The following EML4 variants were observed in gnomAD, a reference collection of about 807,000 sequenced individuals.
EML4 encodes the protein echinoderm microtubule-associated protein-like 4.
In EML4, 72 loss-of-function variants were observed where a neutral mutation model predicts 129.0. The ratio of observed to expected loss-of-function variants is 0.56; its 90% CI spans 0.46 to 0.68. EML4 has a LOEUF of 0.68. Among genes scored for constraint, EML4 ranks in the 30% least tolerant of loss-of-function variants. The probability of loss-of-function intolerance (pLI) is 0.00; values close to 1 mark genes in which losing one functional copy is unlikely to be tolerated. For missense variants in EML4, 1,363 were observed against 1,190.6 expected (o/e 1.14, Z -2.13); for synonymous variants, 532 against 405.0 (o/e 1.31, Z -3.77).
intron 1 of EML4, among the ~76,000 whole-genome samples, chr2:42,233,817 G>A (rs1674497964): frequency 6.6e-6 from 1 of 152,156 alleles, no homozygotes; most frequent in South Asian, 2.1e-4. Flanking sequence ...GGATTTCATT[G>A]TATTTTAAAT....
At chr2:42,327,210 G>A (rs1669857240) in intron 21 of EML4, among the ~76,000 whole-genome samples, 1 of 152,170 alleles carries the variant, frequency 6.6e-6, no homozygotes, top group Admixed American at 6.5e-5. Flanking sequence ...ATATCCCATT[G>A]TATGGATAGA....
At chr2:42,244,081 GTTTTTTGTTTTTGTTTTTTGTTTTTT>G (rs1558534108) in intron 1 of EML4, among the ~76,000 whole-genome samples, 3 of 139,774 alleles carry the variant, frequency 2.1e-5, no homozygotes, top group Non-Finnish European at 1.5e-5. Flanking sequence ...TTTGTTTTTT[GTTTTTTGTTTTTGTTTTTTGTTTTTT>G]TTTTTTTTTT....
In EML4 at chr2:42,261,210, C is replaced by A. The variant is rs759599372; in HGVS notation, c.428C>A (p.Ala143Glu). The A allele has an allele frequency of 6.2e-7, 1 of 1,613,824 alleles. No homozygotes were observed. ...HSNDQSPQIR[A>E]SPSPQPSSQP... ...AATGATCAAAGTCCACAAATTCGAG[C>A]ATCACCTTCTCCCCAGCCCTCTTCA... The change falls in exon 4 of 23, where the codon GCA becomes GAA. Residue 143 changes from alanine to glutamate, a missense_variant. Coordinates refer to ENST00000318522, the MANE Select transcript of EML4 (RefSeq NM_019063.5).
At chr2:42,182,760 A>C (rs1671021349) in intron 1 of EML4, among the ~76,000 whole-genome samples, 1 of 152,158 alleles carries the variant, frequency 6.6e-6, no homozygotes, top group Non-Finnish European at 1.5e-5. Context: ...AACAACATAA[A>C]CATATTTTCT....
chr2:42,292,234 A>G (rs1201782819), intron 11 of EML4, among the ~76,000 whole-genome samples: 2 of 152,202 alleles, frequency 1.3e-5, no homozygotes, highest in East Asian at 3.8e-4. Context: ...TCAGAAAACT[A>G]TTTGACATAA....
intron 17 of EML4, 107 bp downstream of exon 17, chr2:42,304,658 T>C: frequency 1.2e-6 from 1 of 843,202 alleles, no homozygotes; most frequent in Non-Finnish European, 2.0e-6. Context: ...AGTGGCACAC[T>C]AATATGCTTG....
intron 1 of EML4, among the ~76,000 whole-genome samples, chr2:42,205,089 T>A (rs1672465841): frequency 6.6e-6 from 1 of 152,226 alleles, no homozygotes; most frequent in Non-Finnish European, 1.5e-5. Context: ...TGAGGTAATT[T>A]GATTCTTTTA....
chr2:42,245,431 A>T lies in EML4; in HGVS notation c.26-74A>T, dbSNP rs1675335276. The T allele has an allele frequency of 2.2e-6, 3 of 1,363,508 alleles. No individual in the cohort carries two copies. In the African/African-American group the frequency reaches 4.4e-5, roughly 20 times the overall value. 84.5% of individuals were successfully genotyped at this position (1,363,508 alleles called of 1,614,324 possible). A position where few individuals can be genotyped will look rare whatever the true frequency, so the allele number is the denominator to read the frequency against. Reference sequence around the variant, plus strand: ...TCATCTTTTGTAAGTCTTATGTGGGATGGTTTTTCTAATCAGAAATTACTT... The same window carrying T: ...TCATCTTTTGTAAGTCTTATGTGGGTTGGTTTTTCTAATCAGAAATTACTT... On this transcript the variant is annotated intron_variant, in intron 1 of 22. Coordinates refer to ENST00000318522, the MANE Select transcript of EML4 (RefSeq NM_019063.5).
chr2:42,321,542 A>G (rs1408399644), intron 19 of EML4, among the ~76,000 whole-genome samples: 3 of 152,028 alleles, frequency 2.0e-5, no homozygotes, highest in African/African-American at 7.3e-5. Flanking sequence ...AACTCCAGCC[A>G]TCATCACCTA....
chr2:42,324,813 T>A, intron 19 of EML4, among the ~76,000 whole-genome samples: 1 of 152,230 alleles, frequency 6.6e-6, no homozygotes, highest in Admixed American at 6.5e-5. Context: ...GTTTCGTAGT[T>A]TTTTTGTTTT....
intron 8 of EML4, 36 bp from the exon 9 acceptor site, chr2:42,284,598 C>A: frequency 6.7e-7 from 1 of 1,483,652 alleles, no homozygotes; most frequent in African/African-American, 1.4e-5. Flanking sequence ...TTTCATGTTT[C>A]CTGTGTTTAA....
At chr2:42,263,964 C>T (rs1012839774) in intron 5 of EML4, among the ~76,000 whole-genome samples, 2 of 152,120 alleles carry the variant, frequency 1.3e-5, no homozygotes, top group Admixed American at 1.3e-4. Context: ...CTCTTGACCT[C>T]GTGATCCACC....
chr2:42,248,629 A>G (rs560663556), intron 2 of EML4, among the ~76,000 whole-genome samples: 1 of 152,248 alleles, frequency 6.6e-6, no homozygotes, highest in South Asian at 2.1e-4. Flanking sequence ...TCTCTGTGGA[A>G]CTTTTTCTTT....
intron 19 of EML4, among the ~76,000 whole-genome samples, chr2:42,323,542 C>T (rs1189728720): frequency 6.6e-6 from 1 of 152,156 alleles, no homozygotes; most frequent in East Asian, 1.9e-4. Flanking sequence ...TTTGGGGACA[C>T]ATCGGTAGAC....
chr2:42,187,478 T>A (rs1054678196), intron 1 of EML4, among the ~76,000 whole-genome samples: 3 of 152,220 alleles, frequency 2.0e-5, no homozygotes, highest in Non-Finnish European at 2.9e-5. Flanking sequence ...TCCTTTTCAT[T>A]GCTGAGTAAT....
chr2:42,309,168 G>A (rs891903414), intron 17 of EML4, among the ~76,000 whole-genome samples: 4 of 152,060 alleles, frequency 2.6e-5, no homozygotes, highest in African/African-American at 9.7e-5. Context: ...CACTTTGGGA[G>A]GCTGAAGCAG....
intron 16 of EML4, 82 bp downstream of exon 16, chr2:42,303,528 C>T (rs1668415936): frequency 6.8e-7 from 1 of 1,472,168 alleles, no homozygotes; most frequent in African/African-American, 1.4e-5. Context: ...GTAAAAAGGA[C>T]TAAGTGTTGA....
intron 6 of EML4, among the ~76,000 whole-genome samples, chr2:42,270,212 G>A (rs1285778701): frequency 6.6e-6 from 1 of 152,182 alleles, no homozygotes; most frequent in African/African-American, 2.4e-5. Context: ...AGGAAGGACA[G>A]TTGCCTCCTG....
chr2:42,279,658 T>TA (rs1327411955), intron 6 of EML4, among the ~76,000 whole-genome samples: 1 of 152,038 alleles, frequency 6.6e-6, no homozygotes, highest in Non-Finnish European at 1.5e-5. Context: ...ATATTTGTAG[T>TA]AGAGACGGGG....
Sources: gnomAD v4.1 joint callset for allele counts (sites outside exome capture counted in the v4.1 genomes callset) on GRCh38, gnomAD v4.1.1 for gene constraint, MANE v1.5 for transcripts, NCBI Gene and HGNC (gene_info 2026-07-23, HGNC 2026-07-21) for gene names.